F13A1: variants seen among roughly 807,000 people sequenced by gnomAD.
F13A1 encodes FSF, A subunit.
F13A1 carries 47 observed loss-of-function variants against 80.1 expected under a neutral mutation model. That is an observed-to-expected ratio of 0.59 (90% CI 0.46 to 0.75). The LOEUF is 0.75. Ranked by LOEUF, F13A1 falls within the 30% of genes least tolerant of loss-of-function variation. The pLI is 0.00. For synonymous variants in F13A1, 349 were observed against 344.9 expected, an observed-to-expected ratio of 1.01 and a Z score of -0.13; for missense variants, 817 against 930.4, an observed-to-expected ratio of 0.88 and a Z score of 1.59.
intron 8 of F13A1, among the ~76,000 whole-genome samples, chr6:6,205,806 A>G (rs1039233671): frequency 6.6e-6 from 1 of 151,990 alleles, no homozygotes; most frequent in African/African-American, 2.4e-5. Flanking sequence ...AAAACAAAAC[A>G]AAACGAAAAC....
chr6:6,295,332 A>C (rs1389293099), intron 3 of F13A1, among the ~76,000 whole-genome samples: 1 of 148,404 alleles, frequency 6.7e-6, no homozygotes, highest in Non-Finnish European at 1.5e-5. Flanking sequence ...TGACTTCCAC[A>C]ATGGTTGAAC....
chr6:6,320,550 G>A (rs2113210250), intron 1 of F13A1, 37 bp downstream of exon 1: 1 of 419,766 alleles, frequency 2.4e-6, no homozygotes, highest in South Asian at 1.8e-5. Flanking sequence ...TGGACGCAGC[G>A]GGCCCTGGCT....
chr6:6,203,994 C>T (rs1293031425), intron 8 of F13A1, among the ~76,000 whole-genome samples: 2 of 152,122 alleles, frequency 1.3e-5, no homozygotes, highest in Admixed American at 6.6e-5. Context: ...CAGTAGAGCA[C>T]AGTAGTTCAA....
chr6:6,317,782 A>C (rs981430519), intron 2 of F13A1, among the ~76,000 whole-genome samples: 1 of 152,142 alleles, frequency 6.6e-6, no homozygotes, highest in African/African-American at 2.4e-5. Flanking sequence ...CATGAATGTT[A>C]TTGACAAAAA....
chr6:6,244,082 A>G lies in F13A1; in HGVS notation c.798+4230T>C, dbSNP rs370042354. On this transcript the variant is annotated intron_variant, in intron 6 of 14. Coordinates refer to ENST00000264870, the MANE Select transcript of F13A1 (RefSeq NM_000129.4). The stretch of plus-strand genomic sequence containing the variant: ...CCCTTGTCACAATATGTCACGGCCC[A>G]CCTTCTTTGATAGTCTGACTCAGGG... Among the ~76,000 whole-genome samples the G allele has an allele frequency of 4.6e-5, 7 of 152,104 alleles. No homozygotes were observed. The East Asian group carries it at 1.2e-3, about 25-fold the overall frequency.
chr6:6,227,820 T>C (rs1221652902), intron 6 of F13A1, among the ~76,000 whole-genome samples: 1 of 152,206 alleles, frequency 6.6e-6, no homozygotes, highest in East Asian at 1.9e-4. Context: ...AGCTCTGTCC[T>C]CTACAGACCT....
At chr6:6,156,826 C>T (rs1050693499) in intron 13 of F13A1, among the ~76,000 whole-genome samples, 2 of 152,326 alleles carry the variant, frequency 1.3e-5, no homozygotes, top group East Asian at 1.9e-4. Context: ...CTCAGTTGCA[C>T]GAGCCATCTT....
intron 6 of F13A1, among the ~76,000 whole-genome samples, chr6:6,228,658 G>A (rs369740183): frequency 6.6e-6 from 1 of 150,924 alleles, no homozygotes; most frequent in East Asian, 1.9e-4. Flanking sequence ...CGCTTGAACC[G>A]GGGAGGCAGA....
intron 3 of F13A1, among the ~76,000 whole-genome samples, chr6:6,294,844 C>A (rs199505719): frequency 6.6e-6 from 1 of 150,542 alleles, no homozygotes; most frequent in Non-Finnish European, 1.5e-5. Flanking sequence ...GCTGCACCCA[C>A]TAACTCGTCA....
intron 1 of F13A1, among the ~76,000 whole-genome samples, chr6:6,319,454 C>T (rs1758739026): frequency 6.6e-6 from 1 of 152,148 alleles, no homozygotes; most frequent in African/African-American, 2.4e-5. Context: ...TTTCCCATTC[C>T]CCAAGCCTGC....
intron 10 of F13A1, among the ~76,000 whole-genome samples, chr6:6,186,092 G>T (rs1310969941): frequency 1.3e-5 from 2 of 150,914 alleles, no homozygotes; most frequent in Non-Finnish European, 3.0e-5. Flanking sequence ...TTGTAAATTT[G>T]TTTGAGTTCA....
At position 6,224,823 on chromosome 6, in the gene F13A1, G is replaced by C; in HGVS notation, c.836C>G (p.Ser279Cys). 2 of 1,614,060 alleles carry C rather than the reference G, an allele frequency of 1.2e-6. No homozygotes were observed. The highest frequency in any genetic ancestry group is 1.7e-6 in the Non-Finnish European group (2 of 1,179,944). ...AKDDEGVLVGSWDNIYAYGVP... is the reference protein window; with the variant it reads ...AKDDEGVLVGCWDNIYAYGVP... ...GCCATAGGCATAGATATTGTCCCAG[G>C]ATCCAACGAGGACACCTTCGTCATC... The change falls in exon 7 of 15, where the codon TCC (serine) becomes TGC (cysteine). Residue 279 changes from serine to cysteine, a missense_variant. By Grantham distance (112) the Ser-to-Cys change is moderately radical (BLOSUM62 -1). Transcript: ENST00000264870.
In F13A1 at chr6:6,250,667, T is replaced by C; in HGVS notation, c.690+144A>G. ...TTGTCTTTATGAGTCCCTACTCCTA[T>C]GCTCTCTGCCTTGGAGTCTCAGATC... On this transcript the variant is annotated intron_variant, in intron 5 of 14. Transcript: ENST00000264870. This position sits in a 1 kb window ranked among gnomAD's most constrained non-coding sequence, Gnocchi z 4.2. The C allele has an allele frequency of 1.5e-6, 1 of 674,814 alleles. No individual in the cohort carries two copies. The highest frequency in any genetic ancestry group is 2.7e-6 in the Non-Finnish European group (1 of 373,372). The allele number at this position is 674,814 out of a possible 1,614,324, so 41.8% of individuals were successfully genotyped here. A position where few individuals can be genotyped will look rare whatever the true frequency, so the allele number is the denominator to read the frequency against.
intron 3 of F13A1, among the ~76,000 whole-genome samples, chr6:6,296,445 T>C (rs1212566014): frequency 2.0e-5 from 3 of 146,476 alleles, no homozygotes; most frequent in African/African-American, 2.6e-5. Flanking sequence ...GTAGTTCTCC[T>C]TGAAGAGGTC....
At chr6:6,223,467 C>T (rs746453775) in intron 7 of F13A1, among the ~76,000 whole-genome samples, 2 of 152,086 alleles carry the variant, frequency 1.3e-5, no homozygotes, top group South Asian at 2.1e-4. Flanking sequence ...TTGGGAGCCT[C>T]GAGGGATGGG....
chr6:6,317,388 T>C (rs1758700372), intron 2 of F13A1, among the ~76,000 whole-genome samples: 1 of 152,164 alleles, frequency 6.6e-6, no homozygotes, highest in African/African-American at 2.4e-5. Context: ...GAACTACAAG[T>C]TCGTCTTAGC....
chr6:6,165,392 G>A (rs982155360), intron 13 of F13A1, among the ~76,000 whole-genome samples: 1 of 152,182 alleles, frequency 6.6e-6, no homozygotes, highest in African/African-American at 2.4e-5. Flanking sequence ...AAAGATGAAA[G>A]TTATCAGTTT....
chr6:6,305,895 C>G (rs907909347), intron 2 of F13A1, among the ~76,000 whole-genome samples: 1 of 152,190 alleles, frequency 6.6e-6, no homozygotes, highest in African/African-American at 2.4e-5. Flanking sequence ...ATGTTAGAAG[C>G]TTCCCATCAT....
At chr6:6,167,783 C>T (rs1460693307) in intron 12 of F13A1, among the ~76,000 whole-genome samples, 165 bp from the exon 13 acceptor site, 5 of 152,156 alleles carry the variant, frequency 3.3e-5, no homozygotes, top group African/African-American at 4.8e-5. Context: ...GATAAGCTGT[C>T]CTGCTTCTTA....
Sources: gnomAD v4.1 joint callset for allele counts (sites outside exome capture counted in the v4.1 genomes callset) on GRCh38, gnomAD v4.1.1 for gene constraint, Gnocchi (gnomAD v3.1) non-coding constraint, MANE v1.5 for transcripts, NCBI Gene and HGNC (gene_info 2026-07-23, HGNC 2026-07-21) for gene names.